The following HRG variants were observed in gnomAD, a reference collection of about 807,000 sequenced individuals.
HRG encodes histidine rich glycoprotein.
A neutral mutation model predicts 29.5 loss-of-function variants in HRG; 26 were observed. The ratio of observed to expected loss-of-function variants is 0.88; its 90% CI spans 0.65 to 1.22. HRG has a LOEUF of 1.22. Among genes scored for constraint, HRG ranks in the 50% most tolerant of loss-of-function variants. The probability of loss-of-function intolerance (pLI) is 0.00; values close to 1 mark genes in which losing one functional copy is unlikely to be tolerated. For missense variants in HRG, 671 were observed against 654.5 expected (o/e 1.03, Z -0.28); for synonymous variants, 243 against 240.4 (o/e 1.01, Z -0.10).
In HRG at chr3:186,675,185, C is replaced by A. The variant is rs780950869; in HGVS notation, c.736C>A (p.Pro246Thr). 1.9e-6 allele frequency: 3 copies of A among 1,609,372 alleles called. No homozygotes were observed. The highest frequency in any genetic ancestry group is 2.6e-6 in the Non-Finnish European group (3 of 1,175,966). The stretch of plus-strand genomic sequence containing the variant: ...TGTCATAAACTGTGAAGTCTTCGAC[C>A]CTCAGGTGGGTTGTCTAAGCAGACT... ...NLVINCEVFD[P>T]QEHENINGVP... Residue 246 changes from proline (P) to threonine (T), a missense_variant, in exon 6 of 7, where the codon CCT (proline) becomes ACT (threonine). Physicochemically the swap from Pro to Thr is conservative, Grantham distance 38 (BLOSUM62 -1). Transcript: ENST00000232003.
chr3:186,673,642 T>C (rs1718879807), intron 5 of HRG: 1 of 152,252 alleles, frequency 6.6e-6, no homozygotes, highest in Admixed American at 6.5e-5. Context: ...CAAGTGGTTT[T>C]ATTAATTCCA....
At chr3:186,671,931 GC>G in intron 4 of HRG, 142 bp downstream of exon 4, 1 of 739,862 alleles carries the variant, frequency 1.4e-6, no homozygotes, top group Non-Finnish European at 2.3e-6. Flanking sequence ...TAAAAGACAG[GC>G]AGCAGGTATT....
Position 186,677,008 on chromosome 3 carries a change from G to A in HRG, c.742-39G>A, listed in dbSNP as rs776707217. 2.5e-6 allele frequency: 4 copies of A among 1,612,918 alleles called. No individual in the cohort carries two copies. In the African/African-American group the frequency reaches 5.3e-5, roughly 22 times the overall value. ...TCAAGTATCTAACATCTTCTTTTAT[G>A]TTACATGATGATAGGCACTTTTCTG... is the stretch of plus-strand genomic sequence containing the variant. On this transcript the variant is annotated intron_variant, in intron 6 of 6. Coordinates refer to ENST00000232003, the MANE Select transcript of HRG (RefSeq NM_000412.5).
At position 186,666,077 on chromosome 3, in the gene HRG, T is replaced by C. The variant is rs759038007; in HGVS notation, c.46T>C (p.Ser16Pro). The C allele has an allele frequency of 4.3e-6, 7 of 1,614,214 alleles. No individual in the cohort carries two copies. The highest frequency in any genetic ancestry group is 5.9e-6 in the Non-Finnish European group (7 of 1,180,012). The change falls in exon 1 of 7, where the codon TCG becomes CCG. Residue 16 changes from serine to proline, a missense_variant. Ser to Pro is a moderately conservative substitution (Grantham distance 74). Coordinates refer to ENST00000232003, the MANE Select transcript of HRG (RefSeq NM_000412.5). ...ACTGCTTTTGATCACATTGCAGTAT[T>C]CGTGTGCCGTGAGTCCCACTGACTG... ...AALLLITLQY[S>P]CAVSPTDCSA...
chr3:186,670,649 G>A (rs1349287699), intron 3 of HRG, among the ~76,000 whole-genome samples: 1 of 152,068 alleles, frequency 6.6e-6, no homozygotes, highest in African/African-American at 2.4e-5. Context: ...CCGGGTTCAA[G>A]CAATTCTCCT....
chr3:186,672,844 C>T lies in HRG; in HGVS notation c.616C>T (p.His206Tyr), dbSNP rs1281886137. ...CTTCTCTGTGCGGAACTGCCCCAGACACCATTTCCCCAGACACCCCAATGT... is the reference window on the plus strand; with the variant it reads ...CTTCTCTGTGCGGAACTGCCCCAGATACCATTTCCCCAGACACCCCAATGT... ...VDFSVRNCPR[H>Y]HFPRHPNVFG... Residue 206 changes from histidine to tyrosine, a missense_variant, in exon 5 of 7, where the codon CAC (histidine) becomes TAC (tyrosine). Physicochemically the swap from His to Tyr is moderately conservative, Grantham distance 83 (BLOSUM62 2). Transcript: ENST00000232003. The T allele has an allele frequency of 6.2e-7, 1 of 1,610,278 alleles. No homozygotes were observed.
rs113342286 is a variant in HRG, at chr3:186,675,070, G to A, written c.640-19G>A. 22 of 1,538,678 alleles carry A rather than the reference G, an allele frequency of 1.4e-5. No homozygotes were observed. In the African/African-American group the frequency reaches 1.6e-4, roughly 11 times the overall value. ...CACCACCTGGACACACACACTAACA[G>A]CTCCTCATTCCTTTGTAGGTCTTTG... On this transcript the variant is annotated intron_variant, in intron 5 of 6. Coordinates refer to ENST00000232003, the MANE Select transcript of HRG (RefSeq NM_000412.5).
intron 1 of HRG, among the ~76,000 whole-genome samples, chr3:186,668,044 T>A (rs1718667091): frequency 6.6e-6 from 1 of 152,158 alleles, no homozygotes; most frequent in Non-Finnish European, 1.5e-5. Context: ...GCACTGTGGG[T>A]TGCAGAGAAC....
In HRG at chr3:186,677,200, C is replaced by A. The variant is rs748240389; in HGVS notation, c.895C>A (p.Pro299Thr). 6.2e-7 allele frequency: 1 copy of A among 1,613,934 alleles called. No homozygotes were observed. Among genetic ancestry groups the A allele is most frequent in the African/African-American group, 1.3e-5 (1 of 74,882 alleles). ...CAAGCCACACGAACATGGACCCCCA[C>A]CTCCTCCAGATGAAAGAGATCACTC... ...PHKPHEHGPP[P>T]PPDERDHSHG... The change falls in exon 7 of 7, where the codon CCT becomes ACT. Residue 299 changes from proline (P) to threonine (T), a missense_variant. Transcript: ENST00000232003.
In HRG at chr3:186,672,854, C is replaced by T; in HGVS notation, c.626C>T (p.Pro209Leu). Reference protein sequence around the residue: ...SVRNCPRHHFPRHPNVFGFCR... With the variant: ...SVRNCPRHHFLRHPNVFGFCR... ...CGGAACTGCCCCAGACACCATTTCC[C>T]CAGACACCCCAATGTGAGTATAAGA... The change falls in exon 5 of 7, where the codon CCC (proline) becomes CTC (leucine). Residue 209 changes from proline to leucine, a missense_variant. By Grantham distance (98) the Pro-to-Leu change is moderately conservative. Transcript: ENST00000232003. The T allele has an allele frequency of 6.2e-7, 1 of 1,606,166 alleles. No individual in the cohort carries two copies. The highest frequency in any genetic ancestry group is 8.5e-7 in the Non-Finnish European group (1 of 1,172,948).
intron 5 of HRG, chr3:186,673,075 C>G (rs1718856907): frequency 1.6e-6 from 1 of 633,428 alleles, no homozygotes; most frequent in Non-Finnish European, 2.8e-6. Context: ...AGGCACTCTT[C>G]TAAGTGATTT....
Position 186,677,778 on chromosome 3 carries a change from A to G in HRG, c.1473A>G (p.Pro491=). The change falls in exon 7 of 7, where the codon CCA becomes CCG. Residue 491 remains proline (P), a synonymous_variant. Transcript: ENST00000232003. ...CGCACCACAAACATCCTCTAAAGCC[A>G]GACAATCAGCCCTTTCCTCAATCAG... ...PLPHHKHPLK[P]DNQPFPQSVS... 6.2e-7 allele frequency: 1 copy of G among 1,613,932 alleles called. No homozygotes were observed. Among genetic ancestry groups the G allele is most frequent in the Admixed American group, 1.7e-5 (1 of 60,026 alleles).
At position 186,669,943 on chromosome 3, in the gene HRG, C is replaced by G. The variant is rs73886012; in HGVS notation, c.306C>G (p.Ile102Met). 1 of 1,565,308 alleles carries G rather than the reference C, an allele frequency of 6.4e-7. No individual in the cohort carries two copies. Among genetic ancestry groups the G allele is most frequent in the Admixed American group, 1.7e-5 (1 of 59,966 alleles). The stretch of plus-strand genomic sequence containing the variant: ...CAAGAGCCTCTTTCTTACAGGTGAT[C>G]GGACAATGTAAGGTAATAGCTACAA... ...PDSRRPSEIV[I>M]GQCKVIATRH... Residue 102 changes from isoleucine to methionine, a missense_variant, in exon 3 of 7, where the codon ATC (isoleucine) becomes ATG (methionine). Coordinates refer to ENST00000232003, the MANE Select transcript of HRG (RefSeq NM_000412.5).
intron 1 of HRG, 136 bp from the exon 2 acceptor site, chr3:186,668,799 C>G: frequency 3.0e-6 from 2 of 656,760 alleles, no homozygotes; most frequent in Non-Finnish European, 5.4e-6. Context: ...TCAAATGACG[C>G]AAAGGTAGAG....
In HRG at chr3:186,668,996, C is replaced by A; in HGVS notation, c.245C>A (p.Ser82Tyr). 3.1e-6 allele frequency: 5 copies of A among 1,612,604 alleles called. No homozygotes were observed. The highest frequency in any genetic ancestry group is 4.2e-6 in the Non-Finnish European group (5 of 1,178,606). Reference sequence around the variant, plus strand: ...CAAGAATCGGACTGTTCGGTCCTATCCAGGAAATACTGGAATGACTGTGAG... The same window carrying A: ...CAAGAATCGGACTGTTCGGTCCTATACAGGAAATACTGGAATGACTGTGAG... Reference protein sequence around the residue: ...DVQESDCSVLSRKYWNDCEPP... With the variant: ...DVQESDCSVLYRKYWNDCEPP... The change falls in exon 2 of 7, where the codon TCC becomes TAC. Residue 82 changes from serine (S) to tyrosine (Y), a missense_variant. Ser to Tyr is a moderately radical substitution (Grantham distance 144). Transcript: ENST00000232003.
In HRG at chr3:186,676,814, GA is replaced by G. The variant is rs911446203; in HGVS notation, c.742-223del. 1.4e-3 allele frequency among the ~76,000 whole-genome samples: 201 copies of G among 148,228 alleles called. 1 individual carries two copies. Among genetic ancestry groups the G allele is most frequent in the African/African-American group, 4.5e-3 (183 of 40,456 alleles). On this transcript the variant is annotated intron_variant, in intron 6 of 6. Transcript: ENST00000232003. ...GGTGACAGAGCGAGACTCAGTCTCA[GA>G]AAAAAAAAATAGTTTCTTTTGTGAA... is the stretch of plus-strand genomic sequence containing the variant.
chr3:186,667,375 T>G (rs1174357962), intron 1 of HRG: 1 of 152,186 alleles, frequency 6.6e-6, no homozygotes, highest in Non-Finnish European at 1.5e-5. Flanking sequence ...AATTTTAGTT[T>G]CTATGGCTTG....
intron 4 of HRG, among the ~76,000 whole-genome samples, chr3:186,672,166 T>A (rs901700149): frequency 1.3e-5 from 2 of 152,178 alleles, no homozygotes; most frequent in African/African-American, 4.8e-5. Context: ...CCCAGTAATG[T>A]GCCTATAGTT....
At chr3:186,675,865 CTTTTTTTT>C (rs56248425) in intron 6 of HRG, among the ~76,000 whole-genome samples, 1 of 97,104 alleles carries the variant, frequency 1.0e-5, no homozygotes, top group Non-Finnish European at 1.9e-5. Flanking sequence ...ATGGCTCTGT[CTTTTTTTT>C]TTTTTTTTTT....
Sources: allele counts gnomAD v4.1 joint callset (sites outside exome capture counted in the v4.1 genomes callset), GRCh38; gene constraint gnomAD v4.1.1; transcripts MANE v1.5; gene names NCBI Gene and HGNC (gene_info 2026-07-23, HGNC 2026-07-21).